The following EFCAB11 variants were observed in gnomAD, a reference collection of about 807,000 sequenced individuals.
EFCAB11 encodes EF-hand calcium-binding domain-containing protein 11.
Under a neutral mutation model 23.0 loss-of-function variants are expected in EFCAB11, and 14 were observed. The observed-to-expected ratio is 0.61, with a 90% CI of 0.40 to 0.95. The LOEUF (loss-of-function observed/expected upper bound fraction) is 0.95. Among genes scored for constraint, EFCAB11 ranks in the 40% least tolerant of loss-of-function variants. The pLI, the probability that EFCAB11 is intolerant of heterozygous loss-of-function variation, is 0.00. For synonymous variants in EFCAB11, 65 were observed against 66.6 expected, an observed-to-expected ratio of 0.98 and a Z score of 0.11; for missense variants, 198 against 195.8, an observed-to-expected ratio of 1.01 and a Z score of -0.07.
At chr14:89,800,737 T>G (rs1213116806) in intron 5 of EFCAB11, among the ~76,000 whole-genome samples, 3 of 151,996 alleles carry the variant, frequency 2.0e-5, no homozygotes, top group African/African-American at 4.8e-5. Context: ...ATTTTGGGAG[T>G]AGAGACTCAA....
At chr14:89,875,572 G>A (rs1172724319) in intron 5 of EFCAB11, among the ~76,000 whole-genome samples, 1 of 152,164 alleles carries the variant, frequency 6.6e-6, no homozygotes, top group Non-Finnish European at 1.5e-5. Context: ...TGATTTAGAG[G>A]TTCCAGTTAT....
At position 89,878,498 on chromosome 14, in the gene EFCAB11, A is replaced by G. The variant is rs372533636; in HGVS notation, c.410+53043T>C. ...CATATCCAAAACAAGAAAATAAAAG[A>G]TGAAAATCATCTCCAAATGCCCTTC... On this transcript the variant is annotated intron_variant, in intron 5 of 5. Coordinates refer to ENST00000316738, the MANE Select transcript of EFCAB11 (RefSeq NM_145231.4). 4.7e-4 allele frequency among the ~76,000 whole-genome samples: 71 copies of G among 152,322 alleles called. No homozygotes were observed. The South Asian group carries it at 0.014, about 29-fold the overall frequency.
At chr14:89,913,422 T>C (rs968333722) in intron 5 of EFCAB11, among the ~76,000 whole-genome samples, 1 of 152,214 alleles carries the variant, frequency 6.6e-6, no homozygotes, top group Non-Finnish European at 1.5e-5. Context: ...CTATGTAACC[T>C]TGGGTGAGTC....
chr14:89,908,863 G>A (rs1001097533), intron 5 of EFCAB11, among the ~76,000 whole-genome samples: 1 of 152,202 alleles, frequency 6.6e-6, no homozygotes, highest in African/African-American at 2.4e-5. Context: ...AAGAGCCAAC[G>A]TGTGAATGGC....
chr14:89,949,361 T>TTTTA (rs1360987516), intron 3 of EFCAB11, among the ~76,000 whole-genome samples: 1 of 152,034 alleles, frequency 6.6e-6, no homozygotes, highest in African/African-American at 2.4e-5. Flanking sequence ...GCTATATAGT[T>TTTTA]TTTATTTATT....
intron 5 of EFCAB11, among the ~76,000 whole-genome samples, chr14:89,906,172 A>AAAATAAATAAAT (rs59351985): frequency 6.3e-4 from 92 of 145,134 alleles, no homozygotes; most frequent in African/African-American, 1.7e-3. Flanking sequence ...TTAGAGCACT[A>AAAATAAATAAAT]AAATAAATAA....
chr14:89,896,467 A>G (rs1889164089), intron 5 of EFCAB11, among the ~76,000 whole-genome samples: 1 of 152,154 alleles, frequency 6.6e-6, no homozygotes, highest in Admixed American at 6.5e-5. Flanking sequence ...ATGTAAATTG[A>G]TATGAATTAT....
intron 5 of EFCAB11, among the ~76,000 whole-genome samples, chr14:89,839,816 G>C (rs1478127737): frequency 6.6e-6 from 1 of 151,736 alleles, no homozygotes; most frequent in Non-Finnish European, 1.5e-5. Flanking sequence ...GGGGGGAGGT[G>C]CTTCATACTC....
chr14:89,864,659 G>A (rs549808636), intron 5 of EFCAB11, among the ~76,000 whole-genome samples: 9 of 152,158 alleles, frequency 5.9e-5, no homozygotes, highest in East Asian at 5.8e-4. Context: ...GGCTGGTCTC[G>A]AACTCCTGGC....
At chr14:89,841,413 A>C in intron 5 of EFCAB11, among the ~76,000 whole-genome samples, 9 of 135,080 alleles carry the variant, frequency 6.7e-5, no homozygotes, top group African/African-American at 5.7e-5. Flanking sequence ...TACTGCCTTC[A>C]TCTCCCCTCC....
intron 5 of EFCAB11, among the ~76,000 whole-genome samples, chr14:89,823,290 T>C (rs1886586427): frequency 6.6e-6 from 1 of 152,078 alleles, no homozygotes; most frequent in African/African-American, 2.4e-5. Flanking sequence ...AATGAGTACC[T>C]CAAACCTACA....
chr14:89,938,860 A>G (rs1176645916), intron 3 of EFCAB11, among the ~76,000 whole-genome samples: 1 of 151,234 alleles, frequency 6.6e-6, no homozygotes, highest in Non-Finnish European at 1.5e-5. Flanking sequence ...CCAGGCTTGA[A>G]CCCGGGAGGC....
chr14:89,918,873 A>G (rs1043705779), intron 5 of EFCAB11, among the ~76,000 whole-genome samples: 4 of 151,524 alleles, frequency 2.6e-5, no homozygotes, highest in Non-Finnish European at 5.9e-5. Flanking sequence ...TCCCTATAAC[A>G]GGGAACTGAA....
intron 5 of EFCAB11, among the ~76,000 whole-genome samples, chr14:89,891,642 GAAACAA>G (rs1440708506): frequency 4.6e-5 from 7 of 152,076 alleles, no homozygotes; most frequent in Admixed American, 1.3e-4. Context: ...AGCTTGAAAT[GAAACAA>G]AACAAGAAAG....
intron 5 of EFCAB11, among the ~76,000 whole-genome samples, chr14:89,856,097 T>C (rs1343440768): frequency 6.6e-6 from 1 of 152,200 alleles, no homozygotes; most frequent in East Asian, 1.9e-4. Flanking sequence ...CAGATATCTT[T>C]ACAAAGTGGT....
intron 5 of EFCAB11, among the ~76,000 whole-genome samples, chr14:89,896,818 G>A (rs1889181643): frequency 6.6e-6 from 1 of 152,026 alleles, no homozygotes; most frequent in South Asian, 2.1e-4. Flanking sequence ...TGAACTCCTG[G>A]GCCCAAGCGA....
intron 5 of EFCAB11, among the ~76,000 whole-genome samples, chr14:89,805,863 C>A (rs1293200357): frequency 1.3e-5 from 2 of 152,196 alleles, no homozygotes; most frequent in African/African-American, 2.4e-5. Context: ...GATGGACAGA[C>A]AGCAGATACT....
At chr14:89,943,846 CAT>C (rs951952628) in intron 3 of EFCAB11, among the ~76,000 whole-genome samples, 26 of 151,088 alleles carry the variant, frequency 1.7e-4, no homozygotes, top group Non-Finnish European at 3.4e-4. Flanking sequence ...CACACACACA[CAT>C]ACATACACAC....
chr14:89,822,744 C>G (rs947881240), intron 5 of EFCAB11, among the ~76,000 whole-genome samples: 1 of 152,176 alleles, frequency 6.6e-6, no homozygotes, highest in Non-Finnish European at 1.5e-5. Context: ...GTTCTGACTA[C>G]TGAGAGTGGA....
Sources: allele counts gnomAD v4.1 joint callset (sites outside exome capture counted in the v4.1 genomes callset), GRCh38; gene constraint gnomAD v4.1.1; transcripts MANE v1.5; gene names NCBI Gene and HGNC (gene_info 2026-07-23, HGNC 2026-07-21).